Variants in BRD9 observed in about 807,000 individuals in gnomAD.
BRD9 encodes the protein bromodomain-containing protein 9.
A neutral mutation model predicts 68.7 loss-of-function variants in BRD9; 47 were observed. The observed-to-expected ratio is 0.68, with a 90% CI of 0.54 to 0.87. The LOEUF is 0.87. BRD9 is among the 40% of genes least tolerant of loss of function. BRD9 has a pLI of 0.00. For synonymous variants in BRD9, 313 were observed against 293.9 expected (o/e 1.06, Z -0.67); for missense variants, 670 against 748.4 (o/e 0.90, Z 1.22).
intron 14 of BRD9, among the ~76,000 whole-genome samples, chr5:866,770 C>T (rs1410080873): frequency 6.6e-6 from 1 of 152,180 alleles, no homozygotes; most frequent in Non-Finnish European, 1.5e-5. Context: ...CAAGAGGTGA[C>T]TTGGCTGCTT....
rs141678469 is a variant in BRD9, at chr5:891,195, C to T, written c.360G>A (p.Pro120=). The change falls in exon 3 of 16, where the codon CCG becomes CCA. Residue 120 remains proline, a synonymous_variant. Transcript: ENST00000467963. ...ACGCTCGGACTGGCCGATCTGGGGGCGGCTCCACCTCCACCTTCTTCCCAG... is the reference window on the plus strand; with the variant it reads ...ACGCTCGGACTGGCCGATCTGGGGGTGGCTCCACCTCCACCTTCTTCCCAG... ...FDPGKKVEVE[P]PPDRPVRACR... 24,206 of 1,551,820 alleles carry T rather than the reference C, an allele frequency of 0.016. 232 individuals are homozygous for T. Among genetic ancestry groups the T allele is most frequent in the Non-Finnish European group, 0.018 (20,296 of 1,147,006 alleles).
intron 12 of BRD9, among the ~76,000 whole-genome samples, chr5:874,187 T>A (rs1413987992): frequency 6.6e-6 from 1 of 152,170 alleles, no homozygotes; most frequent in African/African-American, 2.4e-5. Flanking sequence ...AGCCTCGACC[T>A]CCCGGCCTCA....
intron 8 of BRD9, chr5:883,265 C>G: frequency 2.2e-6 from 1 of 448,964 alleles, no homozygotes; most frequent in East Asian, 7.0e-5. Context: ...ACCCATAAAG[C>G]TCAAATTAAC....
intron 15 of BRD9, 44 bp downstream of exon 15, chr5:865,370 G>C: frequency 2.0e-6 from 3 of 1,532,748 alleles, no homozygotes; most frequent in Non-Finnish European, 8.8e-7. Context: ...CACACTGACT[G>C]TGCTGGGGTC....
rs1320826813 is a variant in BRD9, at chr5:884,171, TCAGA to T, written c.834-105_834-102del. 1.1e-5 allele frequency: 16 copies of T among 1,464,770 alleles called. No individual in the cohort carries two copies. The African/African-American group carries it at 1.9e-4, about 18-fold the overall frequency. 90.7% of individuals were successfully genotyped at this position (1,464,770 alleles called of 1,614,324 possible). ...AACCCAGCTTCTACCGACCCTGCCCTCAGACACAGAGCTGGCAGAGCATACTTAA... is the reference window on the plus strand; with the variant it reads ...AACCCAGCTTCTACCGACCCTGCCCTCACAGAGCTGGCAGAGCATACTTAA... On this transcript the variant is annotated intron_variant, in intron 7 of 15. Transcript: ENST00000467963.
intron 15 of BRD9, 133 bp downstream of exon 15, chr5:865,280 AC>A (rs2150545033): frequency 8.1e-7 from 1 of 1,233,820 alleles, no homozygotes. Flanking sequence ...GTGGAAACCG[AC>A]CTCCACAACA....
chr5:881,604 C>CAGGAGGATCCAGGAAG (rs1179040912), intron 8 of BRD9: 2 of 244,610 alleles, frequency 8.2e-6, no homozygotes, highest in East Asian at 2.2e-4. Flanking sequence ...TACAGGCCAT[C>CAGGAGGATCCAGGAAG]AGGAGGATCC....
Position 889,190 on chromosome 5 carries a change from G to A in BRD9, c.462-25C>T, listed in dbSNP as rs772177995. On this transcript the variant is annotated intron_variant, in intron 4 of 15. Transcript: ENST00000467963. ...TCTGAAAGCAAAGACATCTTAAAGC[G>A]GAAAAATCTAGATTTCTAAATGATA... 65 of 1,594,222 alleles carry A rather than the reference G, an allele frequency of 4.1e-5. No individual in the cohort carries two copies. In the South Asian group the frequency reaches 4.4e-4, roughly 11 times the overall value.
rs16877782 is a variant in BRD9 at position 863,938 on chromosome 5, A to C, written c.*530T>G. On this transcript the variant is annotated 3_prime_UTR_variant, in exon 16 of 16. Coordinates refer to ENST00000467963, the MANE Select transcript of BRD9 (RefSeq NM_023924.5). ...GAGACACAAACTATGACAGGAACAC[A>C]CTGGACTGATACAGAATGAGGCCAG... The C allele has an allele frequency of 6.5e-6, 1 of 153,158 alleles. No homozygotes were observed. The highest frequency in any genetic ancestry group is 1.5e-5 in the Non-Finnish European group (1 of 68,804). The allele number at this position is 153,158 out of a possible 1,614,324, so 9.5% of individuals were successfully genotyped here. A position where few individuals can be genotyped will look rare whatever the true frequency, so the allele number is the denominator to read the frequency against.
intron 11 of BRD9, among the ~76,000 whole-genome samples, chr5:878,049 G>GGAAACACACGGT (rs1751225515): frequency 6.6e-6 from 1 of 152,210 alleles, no homozygotes; most frequent in Admixed American, 6.5e-5. Flanking sequence ...CTTTGTCACT[G>GGAAACACACGGT]CAGCCTGAGC....
chr5:892,215 T>C (rs1245383302), intron 1 of BRD9: 10 of 432,218 alleles, frequency 2.3e-5, no homozygotes, highest in Admixed American at 4.2e-5. Flanking sequence ...CCTGACTTCC[T>C]GCAGGCGCCC....
rs10039297 is a variant in BRD9 at position 876,072 on chromosome 5, C to T, written c.1383+29G>A. On this transcript the variant is annotated intron_variant, in intron 12 of 15. Transcript: ENST00000467963. ...CCAGCAGCACCCCAAGGGCACCTGC[C>T]CCCCAACCCCGGTGCGAGTGCAGCC... 9.8e-3 allele frequency: 15,132 copies of T among 1,536,246 alleles called. 937 individuals carry two copies. In the African/African-American group the frequency reaches 0.15, roughly 15 times the overall value.
In BRD9 at chr5:878,449, G is replaced by C. The variant is rs758370497; in HGVS notation, c.1177C>G (p.Gln393Glu). ...AAGTCGCCAAATACTGAATTATTCT[G>C]CATCGAAAGCGCAGTAGTGGCACTG... is the stretch of plus-strand genomic sequence containing the variant. ...LSSATTALSM[Q>E]NNSVFGDLKS... is the part of the protein sequence containing the mutation. The change falls in exon 11 of 16, where the codon CAG becomes GAG. Residue 393 changes from glutamine (Q) to glutamate (E), a missense_variant. Around this residue, in one of 5 missense-constraint regions of BRD9, gnomAD observed 280 missense variants for 281.5 expected, o/e 0.99. Transcript: ENST00000467963. 1.9e-6 allele frequency: 3 copies of C among 1,614,280 alleles called. No individual in the cohort carries two copies. The highest frequency in any genetic ancestry group is 3.3e-5 in the Admixed American group (2 of 60,036).
chr5:866,049 A>C (rs1295128427), intron 14 of BRD9: 3 of 154,530 alleles, frequency 1.9e-5, no homozygotes, highest in Non-Finnish European at 2.9e-5. Flanking sequence ...TGAGAGGTGG[A>C]AAGGATGAGC....
intron 2 of BRD9, 65 bp downstream of exon 2, chr5:891,575 C>A: frequency 6.6e-7 from 1 of 1,526,626 alleles, no homozygotes; most frequent in Non-Finnish European, 8.8e-7. Context: ...TGCCTGGGTC[C>A]TGGGACCAGG....
chr5:888,090 C>G (rs1752826622), intron 5 of BRD9: 1 of 156,264 alleles, frequency 6.4e-6, no homozygotes, highest in Admixed American at 6.5e-5. Context: ...GCCGGCCACC[C>G]TAACTGAGAA....
At chr5:890,907 G>A (rs1753261689) in intron 3 of BRD9, among the ~76,000 whole-genome samples, 2 of 152,048 alleles carry the variant, frequency 1.3e-5, no homozygotes, top group South Asian at 2.1e-4. Flanking sequence ...AAACATATAA[G>A]CCATCCTTAG....
chr5:883,145 A>G, intron 8 of BRD9: 1 of 368,070 alleles, frequency 2.7e-6, no homozygotes, highest in Non-Finnish European at 5.3e-6. Flanking sequence ...AGAGCACTGC[A>G]ACTTCCCAGC....
In BRD9 at chr5:872,560, G is replaced by A. The variant is rs955368233; in HGVS notation, c.1384-996C>T. Among the ~76,000 whole-genome samples, 10 of 152,160 alleles carry A rather than the reference G, an allele frequency of 6.6e-5. No homozygotes were observed. In the East Asian group the frequency reaches 1.4e-3, roughly 21 times the overall value. ...GGAAGGAGCCTGCAGGCCACGACAC[G>A]GGAGGGTGACCAGAGCTCAGAGTCA... is the stretch of plus-strand genomic sequence containing the variant. On this transcript the variant is annotated intron_variant, in intron 12 of 15. Coordinates refer to ENST00000467963, the MANE Select transcript of BRD9 (RefSeq NM_023924.5).
Sources: allele counts gnomAD v4.1 joint callset (sites outside exome capture counted in the v4.1 genomes callset), GRCh38; gene constraint gnomAD v4.1.1; regional missense constraint gnomAD v4.1.1; transcripts MANE v1.5; gene names NCBI Gene and HGNC (gene_info 2026-07-23, HGNC 2026-07-21).